MCOLN2: variants seen among roughly 807,000 people sequenced by gnomAD.
The protein encoded by MCOLN2 is mucolipin-2.
MCOLN2 carries 57 observed loss-of-function variants against 67.5 expected under a neutral mutation model. The ratio of observed to expected loss-of-function variants is 0.84; its 90% CI spans 0.68 to 1.05. MCOLN2 has a LOEUF of 1.05. Among genes scored for constraint, MCOLN2 ranks in the 50% least tolerant of loss-of-function variants. The pLI, the probability that MCOLN2 is intolerant of heterozygous loss-of-function variation, is 0.00. For missense variants in MCOLN2, 620 were observed against 678.8 expected (o/e 0.91, Z 0.96); for synonymous variants, 246 against 233.3 (o/e 1.05, Z -0.50).
chr1:84,960,643 A>G (rs1649036975), intron 2 of MCOLN2, among the ~76,000 whole-genome samples: 1 of 152,244 alleles, frequency 6.6e-6, no homozygotes, highest in Non-Finnish European at 1.5e-5. Flanking sequence ...ACAGAAGGTT[A>G]TAAGTTCTTC....
intron 7 of MCOLN2, among the ~76,000 whole-genome samples, chr1:84,943,449 C>T (rs753785873): frequency 6.6e-6 from 1 of 151,960 alleles, no homozygotes; most frequent in Non-Finnish European, 1.5e-5. Flanking sequence ...AGGAGATGAG[C>T]TCAGGAATGG....
At chr1:84,959,158 A>T (rs1234462546) in intron 2 of MCOLN2, among the ~76,000 whole-genome samples, 1 of 152,220 alleles carries the variant, frequency 6.6e-6, no homozygotes, top group Non-Finnish European at 1.5e-5. Flanking sequence ...TTTGAAAAGT[A>T]GCCTACATAA....
intron 1 of MCOLN2, among the ~76,000 whole-genome samples, chr1:84,978,181 G>C (rs527605544): frequency 2.2e-4 from 33 of 152,022 alleles, no homozygotes; most frequent in African/African-American, 7.9e-4. Context: ...AAAATTTCTT[G>C]AAACAAATGA....
At chr1:84,952,839 A>G (rs1648571865) in intron 4 of MCOLN2, among the ~76,000 whole-genome samples, 2 of 152,238 alleles carry the variant, frequency 1.3e-5, no homozygotes, top group Admixed American at 6.5e-5. Context: ...CAAAAAATGT[A>G]TAACTTCAAT....
intron 1 of MCOLN2, among the ~76,000 whole-genome samples, chr1:84,990,315 A>T (rs1650826045): frequency 6.7e-6 from 1 of 148,866 alleles, no homozygotes. Flanking sequence ...AAAAAAAAAA[A>T]AAAAAAAAAA....
At chr1:84,947,356 A>C (rs1648171423) in intron 6 of MCOLN2, among the ~76,000 whole-genome samples, 1 of 152,036 alleles carries the variant, frequency 6.6e-6, no homozygotes, top group East Asian at 1.9e-4. Flanking sequence ...ATAAACAACT[A>C]TATTTTGACT....
intron 4 of MCOLN2, among the ~76,000 whole-genome samples, chr1:84,954,486 T>C (rs188683178): frequency 3.3e-5 from 5 of 152,330 alleles, no homozygotes; most frequent in South Asian, 2.1e-4. Context: ...AATTAATGCA[T>C]CATCTCATTT....
intron 1 of MCOLN2, among the ~76,000 whole-genome samples, chr1:84,995,776 A>G (rs1034673513): frequency 2.6e-5 from 4 of 151,274 alleles, no homozygotes; most frequent in East Asian, 2.0e-4. Context: ...TGCTTCATTA[A>G]AATATTTTAT....
chr1:84,947,622 A>G (rs1374515142), intron 6 of MCOLN2, among the ~76,000 whole-genome samples: 1 of 152,246 alleles, frequency 6.6e-6, no homozygotes. Flanking sequence ...CAGTCCTCAC[A>G]GGCTTTGAAT....
At chr1:84,941,942 C>T (rs974884646) in intron 7 of MCOLN2, among the ~76,000 whole-genome samples, 4 of 152,152 alleles carry the variant, frequency 2.6e-5, no homozygotes, top group South Asian at 4.1e-4. Context: ...TCAGACTTCA[C>T]GGTAGTGTCT....
intron 1 of MCOLN2, among the ~76,000 whole-genome samples, chr1:84,972,271 C>T (rs773557842): frequency 6.6e-6 from 1 of 152,114 alleles, no homozygotes; most frequent in Non-Finnish European, 1.5e-5. Context: ...AGCTACAGGG[C>T]TGTCATGCAA....
At chr1:84,966,929 T>C (rs1004339753) in intron 1 of MCOLN2, among the ~76,000 whole-genome samples, 2 of 152,176 alleles carry the variant, frequency 1.3e-5, no homozygotes, top group South Asian at 4.1e-4. Context: ...ACATAGAATA[T>C]ACATACAACA....
chr1:84,995,805 T>A (rs2039816), intron 1 of MCOLN2, among the ~76,000 whole-genome samples: 3 of 126,132 alleles, frequency 2.4e-5, no homozygotes, highest in African/African-American at 9.9e-5. Flanking sequence ...CTCTATTTTT[T>A]TAAAAAAAAA....
intron 6 of MCOLN2, among the ~76,000 whole-genome samples, chr1:84,948,623 C>G (rs1648242472): frequency 6.6e-6 from 1 of 151,976 alleles, no homozygotes; most frequent in Non-Finnish European, 1.5e-5. Flanking sequence ...CTGAAAAATT[C>G]AAAATAATGA....
chr1:84,959,580 C>G (rs985623640), intron 2 of MCOLN2, among the ~76,000 whole-genome samples: 1 of 152,150 alleles, frequency 6.6e-6, no homozygotes, highest in African/African-American at 2.4e-5. Flanking sequence ...TTCACACTCT[C>G]TCACGTGCGT....
In MCOLN2 at chr1:84,987,639, T is replaced by C. The variant is rs556725312; in HGVS notation, c.77+9157A>G. Among the ~76,000 whole-genome samples the C allele has an allele frequency of 2.1e-5, 3 of 141,120 alleles. 1 individual carries two copies. In the East Asian group the frequency reaches 6.1e-4, roughly 29 times the overall value. The allele number at this position is 141,120 out of a possible 152,430, so 92.6% of individuals were successfully genotyped here. ...CTATATATACATATGTATATATGTA[T>C]ATAGAAATATATACATACATATGTA... On this transcript the variant is annotated intron_variant, in intron 1 of 13. Transcript: ENST00000370608.
At chr1:84,931,314 A>G (rs1198653334) in intron 12 of MCOLN2, 48 bp downstream of exon 12, 2 of 1,082,750 alleles carry the variant, frequency 1.8e-6, no homozygotes, top group Non-Finnish European at 1.4e-6. Context: ...TATAATCTAT[A>G]TAGAATTTGC....
At chr1:84,991,002 C>CA (rs1168269735) in intron 1 of MCOLN2, among the ~76,000 whole-genome samples, 2 of 151,678 alleles carry the variant, frequency 1.3e-5, no homozygotes, top group African/African-American at 4.8e-5. Flanking sequence ...GTGAGCCAGC[C>CA]AAAAAAGCCT....
chr1:84,950,165 C>T (rs746942419), intron 6 of MCOLN2, among the ~76,000 whole-genome samples: 2 of 152,126 alleles, frequency 1.3e-5, no homozygotes, highest in Non-Finnish European at 2.9e-5. Flanking sequence ...ATTAAGGCAA[C>T]AAAGAGAATT....
Sources: gnomAD v4.1 joint callset for allele counts (sites outside exome capture counted in the v4.1 genomes callset) on GRCh38, gnomAD v4.1.1 for gene constraint, MANE v1.5 for transcripts, NCBI Gene and HGNC (gene_info 2026-07-23, HGNC 2026-07-21) for gene names.